RGS14: variants seen among roughly 807,000 people sequenced by gnomAD.
RGS14 encodes the protein regulator of G-protein signaling 14.
A neutral mutation model predicts 63.8 loss-of-function variants in RGS14; 33 were observed. The observed-to-expected ratio is 0.52, with a 90% CI of 0.39 to 0.69. RGS14 has a LOEUF of 0.69. Ranked by LOEUF, RGS14 falls within the 30% of genes least tolerant of loss-of-function variation. The pLI, the probability that RGS14 is intolerant of heterozygous loss-of-function variation, is 0.00. For missense variants in RGS14, 739 were observed against 742.9 expected (o/e 0.99, Z 0.06); for synonymous variants, 296 against 320.9 (o/e 0.92, Z 0.83).
At position 177,372,106 on chromosome 5, in the gene RGS14, G is replaced by A. The variant is rs758045700; in HGVS notation, c.*31G>A. On this transcript the variant is annotated 3_prime_UTR_variant, in exon 15 of 15. Transcript: ENST00000408923. ...ACCCAACAGTCCAGGACAGCTGCAT[G>A]GCACCCGGCGGGCCGAGCATGCCAT... 6.3e-7 allele frequency: 1 copy of A among 1,595,080 alleles called. No individual in the cohort carries two copies. The highest frequency in any genetic ancestry group is 8.6e-7 in the Non-Finnish European group (1 of 1,165,840).
At chr5:177,365,030 T>C (rs1229719810) in intron 1 of RGS14, among the ~76,000 whole-genome samples, 1 of 152,154 alleles carries the variant, frequency 6.6e-6, no homozygotes, top group East Asian at 1.9e-4. Flanking sequence ...CAGCATCTTG[T>C]GCCCTCCCAC....
In RGS14 at chr5:177,370,990, G is replaced by GA; in HGVS notation, c.1214dup (p.Lys406GlufsTer49). 1 of 1,605,350 alleles carries GA rather than the reference G, an allele frequency of 6.2e-7. No homozygotes were observed. Among genetic ancestry groups the GA allele is most frequent in the Non-Finnish European group, 8.5e-7 (1 of 1,179,044 alleles). Reference sequence around the variant, plus strand: ...GCAGGAGGCGCTGCAGCCCATTCTGGAGAAGCACGGCTTGAGCCCGCTAGA... The same window carrying GA: ...GCAGGAGGCGCTGCAGCCCATTCTGGAAGAAGCACGGCTTGAGCCCGCTAGA... On this transcript the variant is annotated frameshift_variant, in exon 11 of 15. Transcript: ENST00000408923. LOFTEE classifies it high-confidence loss of function.
At chr5:177,366,116 G>C (rs1762084231) in intron 2 of RGS14, 61 bp from the exon 3 acceptor site, 1 of 1,602,922 alleles carries the variant, frequency 6.2e-7, no homozygotes, top group South Asian at 1.1e-5. Context: ...GGGGAGGGTG[G>C]GTTGTGCCAG....
Position 177,367,376 on chromosome 5 carries a change from C to A in RGS14, c.484-38C>A, listed in dbSNP as rs760356373. 27 of 1,558,898 alleles carry A rather than the reference C, an allele frequency of 1.7e-5. No homozygotes were observed. In the South Asian group the frequency reaches 2.8e-4, roughly 16 times the overall value. ...GGTGCAGGCAGCCCAGCGCCCCCAC[C>A]CCAGCCCCGGCTCACCTGTTCCGGG... On this transcript the variant is annotated intron_variant, in intron 5 of 14. Coordinates refer to ENST00000408923, the MANE Select transcript of RGS14 (RefSeq NM_006480.5).
In RGS14 at chr5:177,367,786, G is replaced by T; in HGVS notation, c.700G>T (p.Gly234Cys). Residue 234 changes from glycine to cysteine, a missense_variant, in exon 7 of 15, where the codon GGT (glycine) becomes TGT (cysteine). Gly to Cys is a radical substitution (Grantham distance 159, BLOSUM62 -3). Coordinates refer to ENST00000408923, the MANE Select transcript of RGS14 (RefSeq NM_006480.5). The stretch of plus-strand genomic sequence containing the variant: ...GTTGGGGCAGCTGCCACCCGTTGAG[G>T]GTCCTGGGGGCCGCCCTCTCCGCAA... ...EELGQLPPVEGPGGRPLRKSF... is the reference protein window; with the variant it reads ...EELGQLPPVECPGGRPLRKSF... The T allele has an allele frequency of 6.2e-7, 1 of 1,610,884 alleles. No individual in the cohort carries two copies. The highest frequency in any genetic ancestry group is 8.5e-7 in the Non-Finnish European group (1 of 1,178,866).
chr5:177,368,248 C>G lies in RGS14; in HGVS notation c.831C>G (p.Phe277Leu). 6.2e-7 allele frequency: 1 copy of G among 1,613,064 alleles called. No individual in the cohort carries two copies. Among genetic ancestry groups the G allele is most frequent in the Non-Finnish European group, 8.5e-7 (1 of 1,179,284 alleles). Residue 277 changes from phenylalanine to leucine, a missense_variant, in exon 8 of 15, where the codon TTC (phenylalanine) becomes TTG (leucine). Coordinates refer to ENST00000408923, the MANE Select transcript of RGS14 (RefSeq NM_006480.5). The part of the protein sequence containing the change: ...SASLDLGFLA[F>L]VSSKSESHRK... ...GCCTGGACCTTGGCTTCCTAGCCTT[C>G]GTCAGCAGCAAATCTGAGGTGAGCC... is the stretch of plus-strand genomic sequence containing the variant.
In RGS14 at chr5:177,372,466, G is replaced by C. The variant is rs1762297055; in HGVS notation, c.*391G>C. 4.7e-6 allele frequency: 1 copy of C among 213,464 alleles called. No individual in the cohort carries two copies. Among genetic ancestry groups the C allele is most frequent in the African/African-American group, 2.3e-5 (1 of 43,420 alleles). 13.2% of individuals were successfully genotyped at this position (213,464 alleles called of 1,614,324 possible). A position where few individuals can be genotyped will look rare whatever the true frequency, so the allele number is the denominator to read the frequency against. ...AGCTGGTATGAGTAAGGCCTTGAGG[G>C]TGCAGGCAGGCAGCCCTGTACCCCA... On this transcript the variant is annotated 3_prime_UTR_variant, in exon 15 of 15. Coordinates refer to ENST00000408923, the MANE Select transcript of RGS14 (RefSeq NM_006480.5).
chr5:177,371,522 G>A lies in RGS14; in HGVS notation c.1431G>A (p.Ala477=), dbSNP rs375479394. ...ATAAGGCCACCCATCCCCCTCCAGCGTCCCCCAGTTCTCTGGTGAAGGTGC... is the reference window on the plus strand; with the variant it reads ...ATAAGGCCACCCATCCCCCTCCAGCATCCCCCAGTTCTCTGGTGAAGGTGC... ...TQDKATHPPP[A]SPSSLVKVPS... is the part of the protein sequence containing the mutation. Residue 477 remains alanine (A), a synonymous_variant, in exon 14 of 15, where the codon GCG becomes GCA. Coordinates refer to ENST00000408923, the MANE Select transcript of RGS14 (RefSeq NM_006480.5). This position sits in a 1 kb window ranked among gnomAD's most constrained non-coding sequence, Gnocchi z 6.1. 3.3e-5 allele frequency: 53 copies of A among 1,613,916 alleles called. No homozygotes were observed. The highest frequency in any genetic ancestry group is 3.1e-4 in the African/African-American group (23 of 74,864).
chr5:177,361,268 C>T (rs1761959801), intron 1 of RGS14, among the ~76,000 whole-genome samples: 1 of 152,238 alleles, frequency 6.6e-6, no homozygotes, highest in African/African-American at 2.4e-5. Flanking sequence ...GTGGACATCT[C>T]CAGACAGGGT....
In RGS14 at chr5:177,368,203, C is replaced by A; in HGVS notation, c.786C>A (p.Gly262=). The A allele has an allele frequency of 1.9e-6, 3 of 1,614,000 alleles. No individual in the cohort carries two copies. The highest frequency in any genetic ancestry group is 1.7e-6 in the Non-Finnish European group (2 of 1,179,962). Residue 262 remains glycine, a synonymous_variant, in exon 8 of 15, where the codon GGC becomes GGA. Coordinates refer to ENST00000408923, the MANE Select transcript of RGS14 (RefSeq NM_006480.5). The stretch of plus-strand genomic sequence containing the variant: ...CCGCCTTGCGCCGAGAGTCTCAGGG[C>A]TCCCTCAACTCCTCCGCCAGCCTGG... ...ANAALRRESQ[G]SLNSSASLDL...
At chr5:177,368,971 C>T (rs780247858) in intron 9 of RGS14, 51 bp downstream of exon 9, 6 of 1,559,478 alleles carry the variant, frequency 3.8e-6, no homozygotes, top group Non-Finnish European at 2.7e-6. Flanking sequence ...ATCCTGACCC[C>T]AACTCCATTT....
Position 177,357,927 on chromosome 5 carries a change from TC to T in RGS14, c.-96del. The T allele has an allele frequency of 9.1e-7, 1 of 1,101,646 alleles. No individual in the cohort carries two copies. The allele number at this position is 1,101,646 out of a possible 1,614,324, so 68.2% of individuals were successfully genotyped here. On this transcript the variant is annotated 5_prime_UTR_variant, in exon 1 of 15. Transcript: ENST00000408923. ...CCCGCAGGAGCCGAGTCAGGCTCTC[TC>T]CACTGCCTGCCCGCCACCGTGCAAG...
rs765624843 is a variant in RGS14, at chr5:177,366,816, G to A, written c.339+16G>A. Reference sequence around the variant, plus strand: ...TACCCAGCAGGTGGGGGAAGGGGGAGCTGGGGCCGAGGGCTGGGGAGAGGG... The same window carrying A: ...TACCCAGCAGGTGGGGGAAGGGGGAACTGGGGCCGAGGGCTGGGGAGAGGG... On this transcript the variant is annotated intron_variant, in intron 4 of 14. Transcript: ENST00000408923. 18 of 1,614,134 alleles carry A rather than the reference G, an allele frequency of 1.1e-5. No individual in the cohort carries two copies. The highest frequency in any genetic ancestry group is 1.5e-5 in the Non-Finnish European group (18 of 1,179,998).
chr5:177,363,987 T>G (rs569283799), intron 1 of RGS14, among the ~76,000 whole-genome samples: 4 of 152,318 alleles, frequency 2.6e-5, no homozygotes, highest in Non-Finnish European at 5.9e-5. Context: ...TTAAAATCTC[T>G]TGCTTTTTAA....
At position 177,358,470 on chromosome 5, in the gene RGS14, G is replaced by A. The variant is rs1247322659; in HGVS notation, c.45+401G>A. Among the ~76,000 whole-genome samples the A allele has an allele frequency of 6.6e-6, 1 of 152,148 alleles. No individual in the cohort carries two copies. Among genetic ancestry groups the A allele is most frequent in the Non-Finnish European group, 1.5e-5 (1 of 68,020 alleles). ...CTCCCCTCCTCACCCCCTGCTCCAGGTGCCCAAGGTCATGTTAGTGGCAGC... is the reference window on the plus strand; with the variant it reads ...CTCCCCTCCTCACCCCCTGCTCCAGATGCCCAAGGTCATGTTAGTGGCAGC... On this transcript the variant is annotated intron_variant, in intron 1 of 14. Transcript: ENST00000408923. This position sits in a 1 kb window ranked among gnomAD's most constrained non-coding sequence, Gnocchi z 4.8.
At position 177,367,398 on chromosome 5, in the gene RGS14, C is replaced by T. The variant is rs1466645282; in HGVS notation, c.484-16C>T. 1.3e-6 allele frequency: 2 copies of T among 1,587,350 alleles called. No individual in the cohort carries two copies. Among genetic ancestry groups the T allele is most frequent in the South Asian group, 1.1e-5 (1 of 87,956 alleles). On this transcript the variant is annotated splice_polypyrimidine_tract_variant and intron_variant, in intron 5 of 14. Coordinates refer to ENST00000408923, the MANE Select transcript of RGS14 (RefSeq NM_006480.5). ...CACCCCAGCCCCGGCTCACCTGTTCCGGGGTCGCCCCGCAGATCTTCAACT... is the reference window on the plus strand; with the variant it reads ...CACCCCAGCCCCGGCTCACCTGTTCTGGGGTCGCCCCGCAGATCTTCAACT...
At chr5:177,363,233 G>C (rs1197130251) in intron 1 of RGS14, among the ~76,000 whole-genome samples, 2 of 152,074 alleles carry the variant, frequency 1.3e-5, no homozygotes, top group Non-Finnish European at 2.9e-5. Flanking sequence ...TCCTGTCGCC[G>C]TGGGAAGCAC....
At position 177,368,871 on chromosome 5, in the gene RGS14, G is replaced by A. The variant is rs780154954; in HGVS notation, c.1004G>A (p.Arg335Gln). 3.1e-6 allele frequency: 5 copies of A among 1,614,174 alleles called. No individual in the cohort carries two copies. Among genetic ancestry groups the A allele is most frequent in the South Asian group, 1.1e-5 (1 of 91,086 alleles). Reference sequence around the variant, plus strand: ...ATGCTGGCAGGGATCTGTGAGAAACGAGGCCTCTCTCTACCTGACATCAAG... The same window carrying A: ...ATGCTGGCAGGGATCTGTGAGAAACAAGGCCTCTCTCTACCTGACATCAAG... ...RDMLAGICEK[R>Q]GLSLPDIKVY... Residue 335 changes from arginine (R) to glutamine (Q), a missense_variant, in exon 9 of 15, where the codon CGA becomes CAA. Physicochemically the swap from Arg to Gln is conservative, Grantham distance 43 (BLOSUM62 1). Transcript: ENST00000408923.
Position 177,358,013 on chromosome 5 carries a change from A to T in RGS14, c.-12A>T. On this transcript the variant is annotated 5_prime_UTR_variant, in exon 1 of 15. An upstream open reading frame in the 5' UTR loses its in-frame stop. Transcript: ENST00000408923. This position sits in a 1 kb window ranked among gnomAD's most constrained non-coding sequence, Gnocchi z 4.8. ...GCAGCCCCCGCGGCGGGGACCCCTG[A>T]TCGGCAGCGGCATGCCAGGGAAGCC... 1 of 1,356,278 alleles carries T rather than the reference A, an allele frequency of 7.4e-7. No homozygotes were observed. Among genetic ancestry groups the T allele is most frequent in the Non-Finnish European group, 9.6e-7 (1 of 1,044,502 alleles). 84.0% of individuals were successfully genotyped at this position (1,356,278 alleles called of 1,614,324 possible).
Sources: gnomAD v4.1 joint callset for allele counts (sites outside exome capture counted in the v4.1 genomes callset) on GRCh38, gnomAD v4.1.1 for gene constraint, Gnocchi (gnomAD v3.1) non-coding constraint, MANE v1.5 for transcripts, NCBI Gene and HGNC (gene_info 2026-07-23, HGNC 2026-07-21) for gene names.